The following CMSS1 variants were observed in gnomAD, a reference collection of about 807,000 sequenced individuals.
CMSS1 encodes cms1 ribosomal small subunit homolog.
A neutral mutation model predicts 43.5 loss-of-function variants in CMSS1; 33 were observed. The observed-to-expected ratio is 0.76, with a 90% CI of 0.57 to 1.01. CMSS1 has a LOEUF of 1.01. CMSS1 is among the 50% of genes least tolerant of loss of function. The pLI is 0.00. For synonymous variants in CMSS1, 115 were observed against 117.2 expected, an observed-to-expected ratio of 0.98 and a Z score of 0.12; for missense variants, 313 against 326.4, an observed-to-expected ratio of 0.96 and a Z score of 0.32.
At chr3:100,045,584 G>A (rs2065266777) in intron 1 of CMSS1, among the ~76,000 whole-genome samples, 1 of 151,964 alleles carries the variant, frequency 6.6e-6, no homozygotes, top group Non-Finnish European at 1.5e-5. Context: ...TCTTAAATGG[G>A]ACATTTGGAC....
Position 99,983,430 on chromosome 3 carries a change from ATG to A in CMSS1, c.65-163541_65-163540del, listed in dbSNP as rs1277625102. ...TATATATATATATATGTATGTATGTATGTATATATATGTATGTATATATATAT... is the reference window on the plus strand; with the variant it reads ...TATATATATATATATGTATGTATGTATATATATATGTATGTATATATATAT... On this transcript the variant is annotated intron_variant, in intron 1 of 9. Coordinates refer to ENST00000421999, the MANE Select transcript of CMSS1 (RefSeq NM_032359.4). Among the ~76,000 whole-genome samples, 199 of 93,760 alleles carry A rather than the reference ATG, an allele frequency of 2.1e-3. 9 individuals carry two copies. The highest frequency in any genetic ancestry group is 8.4e-3 in the African/African-American group (180 of 21,392). The allele number at this position is 93,760 out of a possible 152,430, so 61.5% of individuals were successfully genotyped here.
chr3:100,104,139 T>C (rs2066355728), intron 1 of CMSS1, among the ~76,000 whole-genome samples: 1 of 152,160 alleles, frequency 6.6e-6, no homozygotes, highest in East Asian at 1.9e-4. Flanking sequence ...GAGCACAGGT[T>C]ACAATGAGAG....
intron 1 of CMSS1, among the ~76,000 whole-genome samples, chr3:99,881,879 T>A (rs1487053621): frequency 2.6e-5 from 4 of 152,150 alleles, no homozygotes; most frequent in Admixed American, 1.3e-4. Context: ...ACTGACAGAT[T>A]TTCCCATGTA....
chr3:99,818,085 A>C (rs1942358095), intron 1 of CMSS1, 42 bp downstream of exon 1: 1 of 1,590,542 alleles, frequency 6.3e-7, no homozygotes, highest in African/African-American at 1.3e-5. Flanking sequence ...CCTCTCCCGG[A>C]GCCCTTCCGT....
chr3:100,039,290 T>C (rs1258348599), intron 1 of CMSS1, among the ~76,000 whole-genome samples: 2 of 152,174 alleles, frequency 1.3e-5, no homozygotes, highest in African/African-American at 4.8e-5. Flanking sequence ...GTGTTCTTGA[T>C]CACAGTAGTA....
intron 1 of CMSS1, among the ~76,000 whole-genome samples, chr3:100,045,601 G>A (rs969140162): frequency 1.5e-4 from 23 of 152,068 alleles, no homozygotes; most frequent in African/African-American, 5.6e-4. Context: ...GGACCCAAAT[G>A]ATTTCTGAGG....
intron 1 of CMSS1, among the ~76,000 whole-genome samples, chr3:99,983,389 A>AATATGTATATATATATATATATATAT (rs1553702701): frequency 2.5e-5 from 1 of 40,788 alleles, no homozygotes; most frequent in Non-Finnish European, 4.5e-5. Context: ...TAAATAAATA[A>AATATGTATATATATATATATATATAT]ATATATATAT....
chr3:100,087,080 T>C (rs1171642505), intron 1 of CMSS1, among the ~76,000 whole-genome samples: 1 of 152,242 alleles, frequency 6.6e-6, no homozygotes, highest in Non-Finnish European at 1.5e-5. Flanking sequence ...AGCTGTACCA[T>C]AGTTTGCTAA....
At chr3:99,938,213 C>G (rs1707750430) in intron 1 of CMSS1, among the ~76,000 whole-genome samples, 1 of 152,214 alleles carries the variant, frequency 6.6e-6, no homozygotes, top group African/African-American at 2.4e-5. Flanking sequence ...TCTGCTATCC[C>G]TCACCCCCAG....
intron 1 of CMSS1, among the ~76,000 whole-genome samples, chr3:99,962,805 A>G (rs953832335): frequency 8.5e-5 from 13 of 152,220 alleles, no homozygotes; most frequent in Admixed American, 3.9e-4. Flanking sequence ...TGCAGCCCCT[A>G]AGAACAAATT....
intron 1 of CMSS1, among the ~76,000 whole-genome samples, chr3:99,864,923 C>T (rs1389120432): frequency 1.3e-5 from 2 of 152,098 alleles, no homozygotes; most frequent in Non-Finnish European, 2.9e-5. Context: ...CGCACACACG[C>T]ATCTCATTCA....
At chr3:100,065,725 T>G (rs933801890) in intron 1 of CMSS1, among the ~76,000 whole-genome samples, 3 of 152,246 alleles carry the variant, frequency 2.0e-5, no homozygotes, top group Non-Finnish European at 4.4e-5. Flanking sequence ...ACCTGTATTC[T>G]TGTATCTAAT....
chr3:100,080,163 A>T (rs2065908873), intron 1 of CMSS1, among the ~76,000 whole-genome samples: 1 of 152,130 alleles, frequency 6.6e-6, no homozygotes. Flanking sequence ...CTATTTTTTT[A>T]ATAGAGACGG....
chr3:99,844,032 G>A (rs976189637), intron 1 of CMSS1, among the ~76,000 whole-genome samples: 2 of 125,590 alleles, frequency 1.6e-5, no homozygotes, highest in Admixed American at 1.0e-4. Context: ...CATGAAAACA[G>A]TCCCTTGTGC....
chr3:100,181,732 A>C lies in CMSS1; in HGVS notation c.*3344A>C, dbSNP rs1386779846. On this transcript the variant is annotated 3_prime_UTR_variant, in exon 10 of 10. Transcript: ENST00000421999. Reference sequence around the variant, plus strand: ...TAAAGTTATGCATTTTTTGACCAGAATACCACAGAAGTGAGTATGTCCTTC... The same window carrying C: ...TAAAGTTATGCATTTTTTGACCAGACTACCACAGAAGTGAGTATGTCCTTC... 6.6e-6 allele frequency: 1 copy of C among 152,216 alleles called. No homozygotes were observed. The highest frequency in any genetic ancestry group is 1.9e-4 in the East Asian group (1 of 5,204). The allele number at this position is 152,216 out of a possible 1,614,324, so 9.4% of individuals were successfully genotyped here. A position where few individuals can be genotyped will look rare whatever the true frequency, so the allele number is the denominator to read the frequency against.
intron 1 of CMSS1, among the ~76,000 whole-genome samples, chr3:100,091,846 G>A (rs1047296480): frequency 5.9e-5 from 9 of 152,100 alleles, no homozygotes; most frequent in Non-Finnish European, 1.0e-4. Flanking sequence ...ACATTGTTCC[G>A]ATTCCACGTT....
intron 6 of CMSS1, among the ~76,000 whole-genome samples, chr3:100,169,389 C>A (rs1374814422): frequency 1.3e-5 from 2 of 152,216 alleles, no homozygotes; most frequent in Non-Finnish European, 2.9e-5. Context: ...CTCTGAGAGC[C>A]TGGCTCTGGG....
intron 1 of CMSS1, among the ~76,000 whole-genome samples, chr3:99,999,868 A>G (rs1709792238): frequency 6.6e-6 from 1 of 152,230 alleles, no homozygotes; most frequent in Admixed American, 6.5e-5. Context: ...CCATGCTAAA[A>G]TTTAATAGTT....
rs746793973 is a variant in CMSS1 at position 99,983,256 on chromosome 3, G to A, written c.65-163717G>A. Among the ~76,000 whole-genome samples, 9 of 150,734 alleles carry A rather than the reference G, an allele frequency of 6.0e-5. 1 individual carries two copies. The highest frequency in any genetic ancestry group is 4.2e-4 in the South Asian group (2 of 4,762). On this transcript the variant is annotated intron_variant, in intron 1 of 9. Transcript: ENST00000421999. ...ATATAAAGAAATGGAAGTACCAGCC[G>A]GGCACAGTGACTCATGCCTGTAATC...
Sources: allele counts gnomAD v4.1 joint callset (sites outside exome capture counted in the v4.1 genomes callset), GRCh38; gene constraint gnomAD v4.1.1; transcripts MANE v1.5; gene names NCBI Gene and HGNC (gene_info 2026-07-23, HGNC 2026-07-21).